DYSF: variants seen among roughly 807,000 people sequenced by gnomAD.
The protein encoded by DYSF is dystrophy-associated fer-1-like 1.
Under a neutral mutation model 274.9 loss-of-function variants are expected in DYSF, and 212 were observed. That is an observed-to-expected ratio of 0.77 (90% confidence interval 0.69 to 0.86). The LOEUF (loss-of-function observed/expected upper bound fraction) is 0.86. DYSF is among the 40% of genes least tolerant of loss of function. The pLI is 0.00. For synonymous variants in DYSF, 1,091 were observed against 1,078.7 expected, an observed-to-expected ratio of 1.01 and a Z score of -0.22; for missense variants, 2,666 against 2,783.2, an observed-to-expected ratio of 0.96 and a Z score of 0.95.
intron 3 of DYSF, among the ~76,000 whole-genome samples, chr2:71,499,947 C>G (rs906869969): frequency 6.6e-6 from 1 of 152,188 alleles, no homozygotes; most frequent in Non-Finnish European, 1.5e-5. Context: ...CCCCTGGCCC[C>G]CTCCTTGCCT....
At chr2:71,507,007 G>C (rs1206843341) in intron 4 of DYSF, among the ~76,000 whole-genome samples, 2 of 152,038 alleles carry the variant, frequency 1.3e-5, no homozygotes, top group Non-Finnish European at 1.5e-5. Flanking sequence ...AACACCGGAT[G>C]CTCAGGAAAC....
chr2:71,560,693 C>G (rs1300238143), intron 22 of DYSF, among the ~76,000 whole-genome samples: 3 of 151,926 alleles, frequency 2.0e-5, no homozygotes, highest in African/African-American at 7.3e-5. Flanking sequence ...CCGCTGCGCT[C>G]CGGCGGTAAT....
intron 47 of DYSF, among the ~76,000 whole-genome samples, chr2:71,666,149 TAGAATG>T (rs1164703153): frequency 6.6e-6 from 1 of 151,330 alleles, no homozygotes; most frequent in African/African-American, 2.4e-5. Context: ...CCTTTTCCCA[TAGAATG>T]AGCATCTGTT....
At chr2:71,567,770 C>T (rs1342638226) in intron 24 of DYSF, among the ~76,000 whole-genome samples, 181 bp from the exon 25 acceptor site, 6 of 152,050 alleles carry the variant, frequency 3.9e-5, no homozygotes, top group Middle Eastern at 3.2e-3. Context: ...GTGGGGTGGA[C>T]GTTTCTTAAT....
At chr2:71,520,729 T>G in intron 11 of DYSF, 60 bp from the exon 12 acceptor site, 1 of 1,497,118 alleles carries the variant, frequency 6.7e-7, no homozygotes, top group Non-Finnish European at 9.3e-7. Flanking sequence ...GGTTCCCGGA[T>G]GTGGCCACAG....
At chr2:71,549,302 T>C (rs1444565362) in intron 17 of DYSF, 1 of 1,591,964 alleles carries the variant, frequency 6.3e-7, no homozygotes, top group Non-Finnish European at 8.6e-7. Flanking sequence ...CCCGTCCTTC[T>C]CCCAGCCATG....
intron 4 of DYSF, among the ~76,000 whole-genome samples, chr2:71,507,086 C>T (rs144771317): frequency 6.0e-4 from 91 of 152,218 alleles, no homozygotes; most frequent in African/African-American, 2.1e-3. Context: ...GTCTGCATCC[C>T]GGAGAGGGCT....
intron 51 of DYSF, among the ~76,000 whole-genome samples, chr2:71,671,756 G>A (rs907331107): frequency 5.9e-5 from 9 of 152,196 alleles, no homozygotes; most frequent in African/African-American, 2.2e-4. Context: ...TGTGGTTGCT[G>A]ATTAAGAATT....
At chr2:71,500,436 G>A (rs916578517) in intron 3 of DYSF, among the ~76,000 whole-genome samples, 1 of 152,126 alleles carries the variant, frequency 6.6e-6, no homozygotes, top group African/African-American at 2.4e-5. Flanking sequence ...CAGGCCGATA[G>A]CAGGGTTTGG....
upstream of DYSF, chr2:71,466,674 C>T (rs2152642707): frequency 7.4e-7 from 1 of 1,356,496 alleles, no homozygotes; most frequent in South Asian, 1.8e-5. Context: ...GGTGTCCTCC[C>T]TGCAGCCTCT....
chr2:71,589,748 G>T (rs1456956284), intron 31 of DYSF, 62 bp downstream of exon 31: 1 of 1,471,008 alleles, frequency 6.8e-7, no homozygotes, highest in South Asian at 1.1e-5. Context: ...GCTTCTGTTT[G>T]GATGGAGTTA....
Position 71,639,671 on chromosome 2 carries a change from T to C in DYSF, c.4528-4294T>C, listed in dbSNP as rs1253187885. Among the ~76,000 whole-genome samples the C allele has an allele frequency of 2.0e-5, 3 of 152,222 alleles. No homozygotes were observed. In the East Asian group the frequency reaches 5.8e-4, roughly 29 times the overall value. On this transcript the variant is annotated intron_variant, in intron 41 of 55. Coordinates refer to ENST00000410020, the MANE Select transcript of DYSF (RefSeq NM_001130987.2). Reference sequence around the variant, plus strand: ...CTTATTGTTGGACACTTAAGTTGCTTCCAATTTTTCACTTTTAAATGAAGT... The same window carrying C: ...CTTATTGTTGGACACTTAAGTTGCTCCCAATTTTTCACTTTTAAATGAAGT...
At chr2:71,635,192 A>C (rs2094379455) in intron 41 of DYSF, among the ~76,000 whole-genome samples, 1 of 152,120 alleles carries the variant, frequency 6.6e-6, no homozygotes, top group African/African-American at 2.4e-5. Context: ...AACCATCACA[A>C]GTCTCTAGTT....
At chr2:71,682,795 G>A (rs1408882159) in intron 55 of DYSF, 118 bp downstream of exon 55, 15 of 1,422,438 alleles carry the variant, frequency 1.1e-5, no homozygotes, top group Non-Finnish European at 1.3e-5. Flanking sequence ...TCCTTGGAGA[G>A]CCCCTGGTCT....
At chr2:71,641,639 G>C (rs189674625) in intron 41 of DYSF, among the ~76,000 whole-genome samples, 9 of 152,088 alleles carry the variant, frequency 5.9e-5, no homozygotes, top group Admixed American at 5.9e-4. Context: ...AAACACTTAA[G>C]ATAAAATTTT....
Position 71,553,612 on chromosome 2 carries a change from C to T in DYSF, c.1985-195C>T, listed in dbSNP as rs138910206. On this transcript the variant is annotated intron_variant, in intron 20 of 55. Transcript: ENST00000410020. ...CTTCAGACACTAGGGAACACGGGTA[C>T]GGGCCACTCCACGTGTCCAAGGGGG... 8.1e-3 allele frequency among the ~76,000 whole-genome samples: 1,231 copies of T among 152,282 alleles called. 17 individuals are homozygous for T. Among genetic ancestry groups the T allele is most frequent in the African/African-American group, 0.028 (1,166 of 41,558 alleles).
chr2:71,590,305 C>A lies in DYSF; in HGVS notation c.3574+17C>A. On this transcript the variant is annotated intron_variant, in intron 32 of 55. Coordinates refer to ENST00000410020, the MANE Select transcript of DYSF (RefSeq NM_001130987.2). Reference sequence around the variant, plus strand: ...CTTTTTCTGGTAGGTGGGAGAGAGGCAGGAGAGTCAGAGACTGTGGGCTGA... The same window carrying A: ...CTTTTTCTGGTAGGTGGGAGAGAGGAAGGAGAGTCAGAGACTGTGGGCTGA... 6.2e-7 allele frequency: 1 copy of A among 1,613,692 alleles called. No individual in the cohort carries two copies. The highest frequency in any genetic ancestry group is 8.5e-7 in the Non-Finnish European group (1 of 1,179,608).
intron 32 of DYSF, among the ~76,000 whole-genome samples, chr2:71,592,942 A>C (rs1371192561): frequency 6.6e-6 from 1 of 152,008 alleles, no homozygotes; most frequent in Non-Finnish European, 1.5e-5. Flanking sequence ...TGTCCTAGAG[A>C]TATTGCCATC....
chr2:71,475,480 G>A (rs2082334560), intron 1 of DYSF, among the ~76,000 whole-genome samples: 1 of 152,308 alleles, frequency 6.6e-6, no homozygotes, highest in East Asian at 1.9e-4. Context: ...TGTGGTCACA[G>A]CATGGTTAGG....
Sources: allele counts gnomAD v4.1 joint callset (sites outside exome capture counted in the v4.1 genomes callset), GRCh38; gene constraint gnomAD v4.1.1; transcripts MANE v1.5; gene names NCBI Gene and HGNC (gene_info 2026-07-23, HGNC 2026-07-21).